Variants in NAV3 observed in about 807,000 individuals in gnomAD.
The protein encoded by NAV3 is neuron navigator 3.
In NAV3, 87 loss-of-function variants were observed where a neutral mutation model predicts 244.7. The ratio of observed to expected loss-of-function variants is 0.36; its 90% CI spans 0.30 to 0.42. NAV3 has a LOEUF of 0.42. Ranked by LOEUF, NAV3 falls within the 20% of genes least tolerant of loss-of-function variation. The pLI is 1.00. For synonymous variants in NAV3, 1,126 were observed against 1,042.2 expected, an observed-to-expected ratio of 1.08 and a Z score of -1.55; for missense variants, 2,663 against 2,893.3, an observed-to-expected ratio of 0.92 and a Z score of 1.83.
At chr12:77,918,667 C>G (rs1350290212) in intron 1 of NAV3, among the ~76,000 whole-genome samples, 1 of 152,020 alleles carries the variant, frequency 6.6e-6, no homozygotes, top group Non-Finnish European at 1.5e-5. Flanking sequence ...TCTCAGCAAG[C>G]TGGTTTATGA....
intron 22 of NAV3, among the ~76,000 whole-genome samples, chr12:78,149,827 G>A (rs1957005176): frequency 6.6e-6 from 1 of 151,982 alleles, no homozygotes; most frequent in African/African-American, 2.4e-5. Context: ...CACAGTGTAA[G>A]ACTTGAATAA....
chr12:78,163,822 C>G (rs1565745586), intron 23 of NAV3, among the ~76,000 whole-genome samples: 1 of 152,010 alleles, frequency 6.6e-6, no homozygotes, highest in African/African-American at 2.4e-5. Flanking sequence ...AGAATTTTAT[C>G]CTGATTTCAG....
At chr12:78,149,810 G>GCT (rs1957003615) in intron 22 of NAV3, among the ~76,000 whole-genome samples, 4 of 151,964 alleles carry the variant, frequency 2.6e-5, no homozygotes, top group African/African-American at 9.7e-5. Flanking sequence ...GTGAGCAGGT[G>GCT]CAGACCCACA....
intron 5 of NAV3, among the ~76,000 whole-genome samples, chr12:77,987,803 G>T (rs1870782727): frequency 6.6e-6 from 1 of 152,140 alleles, no homozygotes; most frequent in Admixed American, 6.6e-5. Context: ...TGAAGTTTAG[G>T]ATTGAGATTG....
intron 7 of NAV3, among the ~76,000 whole-genome samples, chr12:78,002,270 G>A (rs1873441496): frequency 6.6e-6 from 1 of 152,088 alleles, no homozygotes; most frequent in Non-Finnish European, 1.5e-5. Context: ...GTTTTTCCAT[G>A]TTGCTAAGAA....
intron 9 of NAV3, among the ~76,000 whole-genome samples, chr12:78,029,832 T>C (rs1357255469): frequency 2.0e-5 from 3 of 152,200 alleles, no homozygotes; most frequent in Non-Finnish European, 2.9e-5. Context: ...TAAGTACTTA[T>C]GTATAAATAA....
At chr12:77,824,551 A>G (rs949069744) in intron 2 of NAV3, among the ~76,000 whole-genome samples, 4 of 152,130 alleles carry the variant, frequency 2.6e-5, no homozygotes, top group African/African-American at 7.2e-5. Context: ...GATATAAACT[A>G]TAAAAAGGTC....
At chr12:77,634,436 T>A (rs1347595932) in intron 2 of NAV3, among the ~76,000 whole-genome samples, 2 of 152,226 alleles carry the variant, frequency 1.3e-5, no homozygotes, top group African/African-American at 4.8e-5. Context: ...TTTCTTTGTT[T>A]TAAATGGTGT....
At chr12:77,803,660 G>A (rs1001139742) in intron 2 of NAV3, among the ~76,000 whole-genome samples, 1 of 152,140 alleles carries the variant, frequency 6.6e-6, no homozygotes, top group Admixed American at 6.5e-5. Flanking sequence ...GGATTGCTGG[G>A]TCAAATGGTA....
At chr12:77,944,472 A>C (rs1033175808) in intron 3 of NAV3, among the ~76,000 whole-genome samples, 10 of 152,128 alleles carry the variant, frequency 6.6e-5, no homozygotes, top group Admixed American at 6.6e-4. Flanking sequence ...AGAAGCAGAA[A>C]AAAATTTCTT....
At chr12:77,698,225 A>G (rs1875400061) in intron 2 of NAV3, among the ~76,000 whole-genome samples, 1 of 152,162 alleles carries the variant, frequency 6.6e-6, no homozygotes, top group East Asian at 1.9e-4. Context: ...CCATTCTTCT[A>G]TGAGATCAAC....
chr12:77,678,176 C>T (rs1377326643), intron 2 of NAV3, among the ~76,000 whole-genome samples: 4 of 151,884 alleles, frequency 2.6e-5, no homozygotes, highest in Non-Finnish European at 4.4e-5. Flanking sequence ...AGCACATGGA[C>T]AAATGGAAGT....
chr12:77,853,552 TA>T (rs1176096605), intron 1 of NAV3, among the ~76,000 whole-genome samples: 1 of 152,190 alleles, frequency 6.6e-6, no homozygotes, highest in Non-Finnish European at 1.5e-5. Context: ...AAAACTATTC[TA>T]TGCAAAAAGC....
At chr12:77,823,546 G>A (rs1872834491) in intron 2 of NAV3, among the ~76,000 whole-genome samples, 1 of 152,208 alleles carries the variant, frequency 6.6e-6, no homozygotes, top group African/African-American at 2.4e-5. Flanking sequence ...TCACAAAATT[G>A]TATTTCTTTA....
chr12:78,152,333 CTA>C (rs1491510961), intron 22 of NAV3, among the ~76,000 whole-genome samples: 31 of 151,676 alleles, frequency 2.0e-4, no homozygotes, highest in African/African-American at 7.5e-4. Flanking sequence ...ATATAAATGA[CTA>C]TTAAACAATT....
chr12:78,126,160 A>G (rs1955897808), intron 16 of NAV3, among the ~76,000 whole-genome samples: 1 of 152,234 alleles, frequency 6.6e-6, no homozygotes, highest in Non-Finnish European at 1.5e-5. Flanking sequence ...TTAAAGTTGT[A>G]TAAAGCCTTT....
At chr12:77,875,452 A>T (rs1881709640) in intron 1 of NAV3, among the ~76,000 whole-genome samples, 2 of 152,082 alleles carry the variant, frequency 1.3e-5, no homozygotes, top group South Asian at 4.1e-4. Flanking sequence ...ATTATCAATT[A>T]ATTTATCAAT....
At chr12:77,808,945 C>T (rs557372841) in intron 2 of NAV3, among the ~76,000 whole-genome samples, 16 of 152,256 alleles carry the variant, frequency 1.1e-4, no homozygotes, top group African/African-American at 1.9e-4. Flanking sequence ...CCGCCCAGTT[C>T]GAATTTTCCG....
intron 7 of NAV3, among the ~76,000 whole-genome samples, chr12:78,001,813 TA>T (rs1358368491): frequency 6.6e-6 from 1 of 152,220 alleles, no homozygotes; most frequent in Non-Finnish European, 1.5e-5. Context: ...CGCGGAAACA[TA>T]TTTCTCAGAA....
Sources: allele counts gnomAD v4.1 joint callset (sites outside exome capture counted in the v4.1 genomes callset), GRCh38; gene constraint gnomAD v4.1.1; transcripts MANE v1.5; gene names NCBI Gene and HGNC (gene_info 2026-07-23, HGNC 2026-07-21).